Variants in RNF157 observed in about 807,000 individuals in gnomAD.
The protein encoded by RNF157 is E3 ubiquitin ligase RNF157.
RNF157 carries 55 observed loss-of-function variants against 88.3 expected under a neutral mutation model. The ratio of observed to expected loss-of-function variants is 0.62; its 90% CI spans 0.50 to 0.78. The LOEUF (loss-of-function observed/expected upper bound fraction) is 0.78, where lower values mean the gene tolerates loss of function less well. Ranked by LOEUF, RNF157 falls within the 30% of genes least tolerant of loss-of-function variation. RNF157 has a pLI of 0.00. For synonymous variants in RNF157, 334 were observed against 341.2 expected (o/e 0.98, Z 0.23); for missense variants, 788 against 860.8 (o/e 0.92, Z 1.06).
rs189467738 is a variant in RNF157 at position 76,161,471 on chromosome 17, A to G, written c.1065+64T>C. 1.6e-3 allele frequency: 2,007 copies of G among 1,227,042 alleles called. 4 individuals are homozygous for G. Among genetic ancestry groups the G allele is most frequent in the Non-Finnish European group, 2.1e-3 (1,770 of 827,982 alleles). 76.0% of individuals were successfully genotyped at this position (1,227,042 alleles called of 1,614,324 possible). ...CTGCAATGCCACGTAGAGAAGCATG[A>G]AAAGTTTAAAAAAGCCAATGAGGCA... On this transcript the variant is annotated intron_variant, in intron 11 of 18. Transcript: ENST00000269391. This position sits in a 1 kb window ranked among gnomAD's most constrained non-coding sequence, Gnocchi z 4.6.
intron 2 of RNF157, among the ~76,000 whole-genome samples, chr17:76,203,398 T>C (rs1222693153): frequency 2.0e-5 from 3 of 151,944 alleles, no homozygotes; most frequent in Non-Finnish European, 4.4e-5. Flanking sequence ...AGTCAGTCAG[T>C]GGCAAAGCCA....
rs531410422 is a variant in RNF157 at position 76,170,216 on chromosome 17, T to C, written c.297-2419A>G. 7.2e-5 allele frequency among the ~76,000 whole-genome samples: 11 copies of C among 152,240 alleles called. No homozygotes were observed. The South Asian group carries it at 2.1e-3, about 29-fold the overall frequency. On this transcript the variant is annotated intron_variant, in intron 3 of 18. Coordinates refer to ENST00000269391, the MANE Select transcript of RNF157 (RefSeq NM_052916.3). Reference sequence around the variant, plus strand: ...CAGCTGGAGGGCTCAACATCCAGTATGCCAGGATCCACTCACCTGCTGTTT... The same window carrying C: ...CAGCTGGAGGGCTCAACATCCAGTACGCCAGGATCCACTCACCTGCTGTTT...
chr17:76,188,565 G>T lies in RNF157; in HGVS notation c.208-14775C>A, dbSNP rs12453778. Among the ~76,000 whole-genome samples, 281 of 152,272 alleles carry T rather than the reference G, an allele frequency of 1.8e-3. 2 individuals carry two copies. Among genetic ancestry groups the T allele is most frequent in the Admixed American group, 0.017 (254 of 15,288 alleles). ...AGTTCCAACTTTAAACAAGGTGCAA[G>T]CAAAGATGGTGCAATAGATGCAACA... On this transcript the variant is annotated intron_variant, in intron 2 of 18. Coordinates refer to ENST00000269391, the MANE Select transcript of RNF157 (RefSeq NM_052916.3).
At chr17:76,236,781 A>G (rs1321243313) in intron 1 of RNF157, among the ~76,000 whole-genome samples, 1 of 152,254 alleles carries the variant, frequency 6.6e-6, no homozygotes, top group African/African-American at 2.4e-5. Context: ...GAGGAATACT[A>G]TATAGTTGTT....
intron 2 of RNF157, among the ~76,000 whole-genome samples, chr17:76,178,347 C>T (rs1178772474): frequency 2.0e-5 from 3 of 152,240 alleles, no homozygotes; most frequent in African/African-American, 7.2e-5. Flanking sequence ...CAGCCACAGC[C>T]TCGCAGACAG....
chr17:76,166,479 C>T lies in RNF157; in HGVS notation c.610G>A (p.Val204Met), dbSNP rs776239065. Residue 204 changes from valine (V) to methionine (M), a missense_variant, in exon 6 of 19, where the codon GTG becomes ATG. Physicochemically the swap from Val to Met is conservative, Grantham distance 21. Transcript: ENST00000269391. Reference protein sequence around the residue: ...REVYPLVVHAVVDEGDEYFGH... With the variant: ...REVYPLVVHAMVDEGDEYFGH... ...CCCCTACCGTCTCCTTCATCCACCA[C>T]GGCATGTACCACTAGAGGGTAAACT... 2.3e-5 allele frequency: 37 copies of T among 1,613,700 alleles called. 1 individual carries two copies. The highest frequency in any genetic ancestry group is 4.4e-5 in the South Asian group (4 of 91,074).
chr17:76,197,574 TATTA>T (rs1356154810), intron 2 of RNF157, among the ~76,000 whole-genome samples: 1 of 152,168 alleles, frequency 6.6e-6, no homozygotes, highest in African/African-American at 2.4e-5. Context: ...TTTACTTATT[TATTA>T]ATTTATTTGA....
At chr17:76,231,848 A>C (rs1301204325) in intron 1 of RNF157, among the ~76,000 whole-genome samples, 1 of 152,214 alleles carries the variant, frequency 6.6e-6, no homozygotes, top group African/African-American at 2.4e-5. Flanking sequence ...AATCCAGCTG[A>C]AAACATTTCC....
chr17:76,195,561 T>A lies in RNF157; in HGVS notation c.207+16803A>T, dbSNP rs538491111. ...GCATACATATACACAACAAAATACATGTAATAATAGAACGTTCATAGCAGC... is the reference window on the plus strand; with the variant it reads ...GCATACATATACACAACAAAATACAAGTAATAATAGAACGTTCATAGCAGC... On this transcript the variant is annotated intron_variant, in intron 2 of 18. Coordinates refer to ENST00000269391, the MANE Select transcript of RNF157 (RefSeq NM_052916.3). This position sits in a 1 kb window ranked among gnomAD's most constrained non-coding sequence, Gnocchi z 4.4. Among the ~76,000 whole-genome samples, 2 of 152,086 alleles carry A rather than the reference T, an allele frequency of 1.3e-5. No individual in the cohort carries two copies. The highest frequency in any genetic ancestry group is 2.1e-4 in the South Asian group (1 of 4,828).
intron 2 of RNF157, among the ~76,000 whole-genome samples, chr17:76,180,076 T>G (rs1282464904): frequency 6.6e-6 from 1 of 152,202 alleles, no homozygotes; most frequent in East Asian, 1.9e-4. Context: ...GCACACAACA[T>G]GCCCCAGGTC....
intron 18 of RNF157, among the ~76,000 whole-genome samples, chr17:76,149,950 T>C (rs2068648611): frequency 1.3e-5 from 2 of 151,964 alleles, no homozygotes; most frequent in African/African-American, 2.4e-5. Flanking sequence ...AGAGAATCAC[T>C]TGACCCCAGG....
intron 1 of RNF157, among the ~76,000 whole-genome samples, chr17:76,216,592 A>T (rs1275536925): frequency 3.3e-5 from 5 of 151,708 alleles, no homozygotes; most frequent in Non-Finnish European, 7.4e-5. Flanking sequence ...GTATATTTAA[A>T]AATAATAATA....
intron 1 of RNF157, among the ~76,000 whole-genome samples, chr17:76,213,330 G>A (rs1055444985): frequency 1.3e-5 from 2 of 152,234 alleles, no homozygotes; most frequent in Admixed American, 6.5e-5. Flanking sequence ...AGCACTTTGG[G>A]AGGCTGAGGA....
At chr17:76,229,357 A>G (rs918602751) in intron 1 of RNF157, among the ~76,000 whole-genome samples, 1 of 152,206 alleles carries the variant, frequency 6.6e-6, no homozygotes, top group Non-Finnish European at 1.5e-5. Flanking sequence ...ACCCAGGACA[A>G]ATTATTTAAA....
In RNF157 at chr17:76,143,756, C is replaced by T. The variant is rs2068546349; in HGVS notation, c.*1479G>A. 2 of 151,806 alleles carry T rather than the reference C, an allele frequency of 1.3e-5. No homozygotes were observed. Among genetic ancestry groups the T allele is most frequent in the African/African-American group, 2.4e-5 (1 of 41,116 alleles). The allele number at this position is 151,806 out of a possible 1,614,324, so 9.4% of individuals were successfully genotyped here. Reference sequence around the variant, plus strand: ...TTTTTGAGGCTGCCTTGGAAACAGCCTTGAATTTTTTTTTTTTTGTTTGAG... The same window carrying T: ...TTTTTGAGGCTGCCTTGGAAACAGCTTTGAATTTTTTTTTTTTTGTTTGAG... On this transcript the variant is annotated 3_prime_UTR_variant, in exon 19 of 19. Coordinates refer to ENST00000269391, the MANE Select transcript of RNF157 (RefSeq NM_052916.3).
chr17:76,230,273 T>C (rs113166012), intron 1 of RNF157, among the ~76,000 whole-genome samples: 27 of 152,298 alleles, frequency 1.8e-4, no homozygotes, highest in African/African-American at 5.3e-4. Context: ...TGAGGCAAAG[T>C]AAAGCAACCA....
In RNF157 at chr17:76,161,605, A is replaced by T; in HGVS notation, c.995T>A (p.Leu332Ter). ...AAAGCTGGTTGGGGACAAGGGGCCCAATTTTTTCCTCATGGCTCGGATCTG... is the reference window on the plus strand; with the variant it reads ...AAAGCTGGTTGGGGACAAGGGGCCCTATTTTTTCCTCATGGCTCGGATCTG... Reference protein sequence around the residue: ...LLQIRAMRKKLGPLSPTSFNP... With the variant: ...LLQIRAMRKK The change falls in exon 11 of 19, where the codon TTG becomes TAG. Residue 332 changes from leucine (L) to a stop codon, truncating the protein, a stop_gained. Coordinates refer to ENST00000269391, the MANE Select transcript of RNF157 (RefSeq NM_052916.3). LOFTEE classifies it high-confidence loss of function. This position sits in a 1 kb window ranked among gnomAD's most constrained non-coding sequence, Gnocchi z 4.6. 1 of 1,614,112 alleles carries T rather than the reference A, an allele frequency of 6.2e-7. No homozygotes were observed. The highest frequency in any genetic ancestry group is 8.5e-7 in the Non-Finnish European group (1 of 1,180,018).
rs759986748 is a variant in RNF157 at position 76,155,582 on chromosome 17, C to T, written c.1678G>A (p.Ala560Thr). 1 of 1,612,592 alleles carries T rather than the reference C, an allele frequency of 6.2e-7. No individual in the cohort carries two copies. Among genetic ancestry groups the T allele is most frequent in the Non-Finnish European group, 8.5e-7 (1 of 1,179,594 alleles). ...CTTACCTCTCCTTCTTCTGAGGGGG[C>T]CCTGCTGGCAGGCTGGGGGGAAGAG... ...ALSSPQPASR[A>T]PSEEGEGLPA... The change falls in exon 15 of 19, where the codon GCC becomes ACC. Residue 560 changes from alanine to threonine, a missense_variant. Coordinates refer to ENST00000269391, the MANE Select transcript of RNF157 (RefSeq NM_052916.3).
chr17:76,156,185 C>T lies in RNF157; in HGVS notation c.1525+25G>A. The T allele has an allele frequency of 1.9e-6, 3 of 1,559,260 alleles. No homozygotes were observed. The South Asian group carries it at 3.3e-5, about 17-fold the overall frequency. ...GGGCTGGGTAAGGGGGAAGGACATG[C>T]AGCCACTCCCCGCTCCTTATGTACC... On this transcript the variant is annotated intron_variant, in intron 14 of 18. Coordinates refer to ENST00000269391, the MANE Select transcript of RNF157 (RefSeq NM_052916.3).
Sources: allele counts gnomAD v4.1 joint callset (sites outside exome capture counted in the v4.1 genomes callset), GRCh38; gene constraint gnomAD v4.1.1; non-coding constraint Gnocchi (gnomAD v3.1); transcripts MANE v1.5; gene names NCBI Gene and HGNC (gene_info 2026-07-23, HGNC 2026-07-21).